Variants in ATP2B2 observed in about 807,000 individuals in gnomAD.
The protein encoded by ATP2B2 is plasma membrane calcium-transporting ATPase 2.
Under a neutral mutation model 120.0 loss-of-function variants are expected in ATP2B2, and 15 were observed. The ratio of observed to expected loss-of-function variants is 0.12; its 90% CI spans 0.08 to 0.19. The LOEUF (loss-of-function observed/expected upper bound fraction) is 0.19. Among genes scored for constraint, ATP2B2 ranks in the 10% least tolerant of loss-of-function variants. The pLI is 1.00. For synonymous variants in ATP2B2, 694 were observed against 700.3 expected (o/e 0.99, Z 0.14); for missense variants, 1,045 against 1,719.8 (o/e 0.61, Z 6.94).
At chr3:10,332,821 C>G (rs937369776) in intron 22 of ATP2B2, among the ~76,000 whole-genome samples, 4 of 152,132 alleles carry the variant, frequency 2.6e-5, no homozygotes, top group African/African-American at 9.7e-5. Flanking sequence ...GCAGGTCCTC[C>G]CCTCCCACAA....
intron 1 of ATP2B2, among the ~76,000 whole-genome samples, chr3:10,649,513 A>G (rs2070398746): frequency 6.6e-6 from 1 of 152,188 alleles, no homozygotes; most frequent in African/African-American, 2.4e-5. Context: ...GGCCTTTTGC[A>G]TATGCTGTTC....
intron 22 of ATP2B2, among the ~76,000 whole-genome samples, chr3:10,336,482 C>T (rs1385773654): frequency 1.3e-5 from 2 of 152,224 alleles, no homozygotes; most frequent in African/African-American, 2.4e-5. Flanking sequence ...GCTCTGGGCC[C>T]ACCTGCAGGC....
chr3:10,548,655 G>A lies in ATP2B2; in HGVS notation c.-414-14522C>T, dbSNP rs116820261. Among the ~76,000 whole-genome samples the A allele has an allele frequency of 9.5e-3, 1,444 of 152,266 alleles. 22 individuals carry two copies. The highest frequency in any genetic ancestry group is 0.032 in the African/African-American group (1,349 of 41,562). On this transcript the variant is annotated intron_variant, in intron 2 of 21. Coordinates refer to the ATP2B2 transcript ENST00000646379. ...TAATTAACTTGCTTGATAACACCTT[G>A]TTCCCTTTCCTGTCTCACTTCCCTA...
At chr3:10,435,090 T>C (rs1470471497) in intron 2 of ATP2B2, among the ~76,000 whole-genome samples, 1 of 152,232 alleles carries the variant, frequency 6.6e-6, no homozygotes, top group Non-Finnish European at 1.5e-5. Flanking sequence ...CTTTCACAGC[T>C]GTGCGACGTG....
intron 2 of ATP2B2, among the ~76,000 whole-genome samples, chr3:10,604,474 G>A (rs1315000524): frequency 1.2e-4 from 19 of 152,172 alleles, no homozygotes; most frequent in Admixed American, 1.2e-3. Context: ...TTGTGGGCCA[G>A]GTCTTGGCCC....
At chr3:10,571,877 A>C (rs2068136450) in intron 2 of ATP2B2, among the ~76,000 whole-genome samples, 1 of 152,198 alleles carries the variant, frequency 6.6e-6, no homozygotes, top group African/African-American at 2.4e-5. Context: ...GGAGCTCTGG[A>C]AGATTGTGCA....
intron 1 of ATP2B2, among the ~76,000 whole-genome samples, chr3:10,457,113 G>A (rs2064292605): frequency 1.3e-5 from 2 of 152,180 alleles, no homozygotes; most frequent in South Asian, 4.1e-4. Flanking sequence ...TGTGTCTGTA[G>A]GGTGAGTGTG....
chr3:10,646,745 G>C (rs1381510535), intron 1 of ATP2B2, among the ~76,000 whole-genome samples: 1 of 152,144 alleles, frequency 6.6e-6, no homozygotes, highest in Non-Finnish European at 1.5e-5. Context: ...GGATGGGCTA[G>C]AGAAAAACCA....
At position 10,342,697 on chromosome 3, in the gene ATP2B2, C is replaced by A. The variant is rs909125163; in HGVS notation, c.2917+55G>T. Reference sequence around the variant, plus strand: ...AGAATGCTGGGTGAGAGCCATGGTGCACCCAGAAGGTGATGACCCCGCCTG... The same window carrying A: ...AGAATGCTGGGTGAGAGCCATGGTGAACCCAGAAGGTGATGACCCCGCCTG... On this transcript the variant is annotated intron_variant, in intron 19 of 22. Transcript: ENST00000360273. This position sits in a 1 kb window ranked among gnomAD's most constrained non-coding sequence, Gnocchi z 4.4. The A allele has an allele frequency of 1.3e-6, 2 of 1,583,802 alleles. No individual in the cohort carries two copies. The highest frequency in any genetic ancestry group is 1.7e-6 in the Non-Finnish European group (2 of 1,153,990).
intron 1 of ATP2B2, among the ~76,000 whole-genome samples, chr3:10,673,051 T>A (rs1024837266): frequency 6.6e-6 from 1 of 152,170 alleles, no homozygotes; most frequent in Non-Finnish European, 1.5e-5. Flanking sequence ...GAGCCTCAGT[T>A]TCCCCCTCTG....
intron 22 of ATP2B2, among the ~76,000 whole-genome samples, chr3:10,335,026 G>T (rs1174918168): frequency 6.6e-6 from 1 of 152,208 alleles, no homozygotes; most frequent in Non-Finnish European, 1.5e-5. Context: ...AGACAGACTT[G>T]TTCCCTATGG....
chr3:10,662,806 G>A (rs911848424), intron 1 of ATP2B2, among the ~76,000 whole-genome samples: 9 of 151,816 alleles, frequency 5.9e-5, no homozygotes, highest in Non-Finnish European at 8.8e-5. Flanking sequence ...TGTTTATTGC[G>A]GCACTATTCA....
At chr3:10,349,406 G>C (rs1365334270) in intron 16 of ATP2B2, among the ~76,000 whole-genome samples, 1 of 152,146 alleles carries the variant, frequency 6.6e-6, no homozygotes, top group Non-Finnish European at 1.5e-5. Flanking sequence ...AGTGAGCTAT[G>C]ATCACACCAC....
chr3:10,517,940 ACGGGGGATTGGGCAGC>A (rs902767347), intron 3 of ATP2B2, among the ~76,000 whole-genome samples: 9 of 151,074 alleles, frequency 6.0e-5, no homozygotes, highest in African/African-American at 1.9e-4. Context: ...CAGTAGACAG[ACGGGGGATTGGGCAGC>A]CTGTGCAGGT....
intron 1 of ATP2B2, among the ~76,000 whole-genome samples, chr3:10,452,819 A>G (rs1346053146): frequency 1.3e-5 from 2 of 152,180 alleles, no homozygotes; most frequent in East Asian, 3.8e-4. Context: ...GTCCAGAAGG[A>G]ACTTGGGACT....
intron 2 of ATP2B2, among the ~76,000 whole-genome samples, chr3:10,428,697 C>T (rs1031356723): frequency 6.6e-6 from 1 of 152,206 alleles, no homozygotes; most frequent in Non-Finnish European, 1.5e-5. Flanking sequence ...GCAAGATGAA[C>T]AGAAGAAAGC....
chr3:10,363,392 G>A (rs1452692517), intron 12 of ATP2B2, among the ~76,000 whole-genome samples: 2 of 152,214 alleles, frequency 1.3e-5, no homozygotes, highest in Non-Finnish European at 2.9e-5. Flanking sequence ...AACAGGCCCT[G>A]GGGAGAAAAG....
chr3:10,555,614 T>G (rs1242442281), intron 2 of ATP2B2, among the ~76,000 whole-genome samples: 1 of 152,270 alleles, frequency 6.6e-6, no homozygotes, highest in African/African-American at 2.4e-5. Context: ...CCTGACAGAG[T>G]GATTCTTGAC....
intron 13 of ATP2B2, among the ~76,000 whole-genome samples, chr3:10,359,510 A>G (rs1005199937): frequency 2.0e-5 from 3 of 152,178 alleles, no homozygotes; most frequent in African/African-American, 7.2e-5. Context: ...AGTGTGGCTA[A>G]TAATGAAAAT....
Sources: gnomAD v4.1 joint callset for allele counts (sites outside exome capture counted in the v4.1 genomes callset) on GRCh38, gnomAD v4.1.1 for gene constraint, Gnocchi (gnomAD v3.1) non-coding constraint, MANE v1.5 for transcripts, NCBI Gene and HGNC (gene_info 2026-07-23, HGNC 2026-07-21) for gene names.